The following AGBL4 variants were observed in gnomAD, a reference collection of about 807,000 sequenced individuals.
AGBL4 encodes AGBL carboxypeptidase 4.
Under a neutral mutation model 66.4 loss-of-function variants are expected in AGBL4, and 58 were observed. The observed-to-expected ratio is 0.87, with a 90% CI of 0.71 to 1.09. The LOEUF (loss-of-function observed/expected upper bound fraction) is 1.09, where lower values mean the gene tolerates loss of function less well. Among genes scored for constraint, AGBL4 ranks in the 50% least tolerant of loss-of-function variants. The probability of loss-of-function intolerance (pLI) is 0.00; values close to 1 mark genes in which losing one functional copy is unlikely to be tolerated. For missense variants in AGBL4, 579 were observed against 631.0 expected, an observed-to-expected ratio of 0.92 and a Z score of 0.88; for synonymous variants, 234 against 222.9, an observed-to-expected ratio of 1.05 and a Z score of -0.44.
At chr1:49,163,989 G>C (rs1646587285) in intron 4 of AGBL4, among the ~76,000 whole-genome samples, 1 of 152,132 alleles carries the variant, frequency 6.6e-6, no homozygotes, top group Non-Finnish European at 1.5e-5. Flanking sequence ...TAGAAAACCA[G>C]GATAGGAAGG....
chr1:48,610,918 A>G (rs563088613), intron 9 of AGBL4, among the ~76,000 whole-genome samples: 12 of 152,346 alleles, frequency 7.9e-5, no homozygotes, highest in African/African-American at 2.2e-4. Context: ...ACAGCATTCA[A>G]TATGGTTGAG....
chr1:49,700,939 A>G (rs1334725917), intron 2 of AGBL4, among the ~76,000 whole-genome samples: 5 of 152,210 alleles, frequency 3.3e-5, no homozygotes, highest in African/African-American at 9.6e-5. Flanking sequence ...ATGTTAAAAA[A>G]AATTATCTGA....
At chr1:49,815,889 T>C (rs78529919) in intron 2 of AGBL4, among the ~76,000 whole-genome samples, 232 of 152,244 alleles carry the variant, frequency 1.5e-3, no homozygotes, top group African/African-American at 5.0e-3. Context: ...CTAATTTCAA[T>C]CATTACCATC....
At chr1:49,605,070 A>G (rs1645038245) in intron 3 of AGBL4, among the ~76,000 whole-genome samples, 1 of 152,140 alleles carries the variant, frequency 6.6e-6, no homozygotes, top group African/African-American at 2.4e-5. Flanking sequence ...TTATCTCTAC[A>G]TTACCTATTA....
intron 5 of AGBL4, among the ~76,000 whole-genome samples, chr1:49,035,899 A>G (rs1297372618): frequency 3.9e-5 from 6 of 152,074 alleles, no homozygotes; most frequent in Non-Finnish European, 7.4e-5. Context: ...GTCACTTACA[A>G]ATGACCGCTA....
chr1:49,779,599 G>A (rs1644286636), intron 2 of AGBL4, among the ~76,000 whole-genome samples: 3 of 152,152 alleles, frequency 2.0e-5, no homozygotes, highest in South Asian at 4.1e-4. Context: ...TCTGGATGAA[G>A]GTGCCTGGGC....
intron 3 of AGBL4, among the ~76,000 whole-genome samples, chr1:49,451,767 A>ATACTATACT (rs1646282329): frequency 6.6e-6 from 1 of 151,978 alleles, no homozygotes; most frequent in Non-Finnish European, 1.5e-5. Flanking sequence ...CTATACCTTC[A>ATACTATACT]GTGCCGATTA....
chr1:49,505,402 C>A (rs1338179892), intron 3 of AGBL4, among the ~76,000 whole-genome samples: 2 of 151,028 alleles, frequency 1.3e-5, no homozygotes, highest in African/African-American at 4.9e-5. Context: ...TTTAGCATTT[C>A]TTACAAGTCT....
At chr1:48,816,255 T>C (rs1471057919) in intron 6 of AGBL4, among the ~76,000 whole-genome samples, 1 of 152,122 alleles carries the variant, frequency 6.6e-6, no homozygotes, top group Non-Finnish European at 1.5e-5. Flanking sequence ...TGTATACAAG[T>C]TGAGGACTAA....
chr1:49,024,878 T>G (rs941797572), intron 5 of AGBL4, among the ~76,000 whole-genome samples: 2 of 152,162 alleles, frequency 1.3e-5, no homozygotes, highest in Non-Finnish European at 2.9e-5. Context: ...CTGGTGACTC[T>G]AGAGAGGTTA....
chr1:48,560,507 A>G (rs1406478075), intron 11 of AGBL4, among the ~76,000 whole-genome samples: 2 of 152,148 alleles, frequency 1.3e-5, no homozygotes, highest in Non-Finnish European at 1.5e-5. Context: ...GAAGGAAAAT[A>G]TTTTACATTA....
chr1:48,566,180 C>T (rs185163511), intron 11 of AGBL4, among the ~76,000 whole-genome samples: 93 of 152,298 alleles, frequency 6.1e-4, no homozygotes, highest in Non-Finnish European at 1.0e-3. Context: ...AACTTTAGTT[C>T]CTAAGCCTCC....
chr1:48,944,342 A>G (rs1354147279), intron 5 of AGBL4, among the ~76,000 whole-genome samples: 2 of 152,194 alleles, frequency 1.3e-5, no homozygotes, highest in Admixed American at 6.5e-5. Flanking sequence ...CAATCCATCC[A>G]TTATACTGAT....
intron 4 of AGBL4, among the ~76,000 whole-genome samples, chr1:49,067,431 C>T (rs1462091418): frequency 2.0e-5 from 3 of 152,144 alleles, no homozygotes; most frequent in Admixed American, 6.6e-5. Flanking sequence ...GTACTTCTCT[C>T]GTTTTTGCTT....
At chr1:49,636,846 A>G (rs1471402356) in intron 3 of AGBL4, among the ~76,000 whole-genome samples, 1 of 152,190 alleles carries the variant, frequency 6.6e-6, no homozygotes, top group Non-Finnish European at 1.5e-5. Flanking sequence ...CTGAGTGTCA[A>G]CTTGATTGGA....
chr1:48,744,898 C>T (rs1473455), intron 6 of AGBL4, among the ~76,000 whole-genome samples: 97,974 of 152,074 alleles, frequency 0.64, 33,139 homozygotes, highest in Non-Finnish European at 0.77. Flanking sequence ...TGTCTTGGCG[C>T]TGAACACTAC....
chr1:48,717,936 G>A (rs1647079130), intron 6 of AGBL4, among the ~76,000 whole-genome samples: 1 of 152,164 alleles, frequency 6.6e-6, no homozygotes, highest in African/African-American at 2.4e-5. Flanking sequence ...ATGATTAAAT[G>A]TATGAATTAT....
intron 5 of AGBL4, among the ~76,000 whole-genome samples, chr1:48,892,148 G>C (rs1270387740): frequency 1.3e-5 from 2 of 152,102 alleles, no homozygotes; most frequent in Non-Finnish European, 1.5e-5. Context: ...AGCTTCTGGT[G>C]GTTGCTGGCA....
At chr1:49,871,891 T>C (rs946018175) in intron 1 of AGBL4, among the ~76,000 whole-genome samples, 3 of 152,050 alleles carry the variant, frequency 2.0e-5, no homozygotes, top group Non-Finnish European at 4.4e-5. Context: ...GATCCTTGTA[T>C]AGAGGAGTTT....
Sources: gnomAD v4.1 joint callset for allele counts (sites outside exome capture counted in the v4.1 genomes callset) on GRCh38, gnomAD v4.1.1 for gene constraint, MANE v1.5 for transcripts, NCBI Gene and HGNC (gene_info 2026-07-23, HGNC 2026-07-21) for gene names.